Variants in RSRP1 observed in about 807,000 individuals in gnomAD.
The protein encoded by RSRP1 is arginine/serine-rich protein 1.
A neutral mutation model predicts 33.0 loss-of-function variants in RSRP1; 37 were observed. That is an observed-to-expected ratio of 1.12 (90% confidence interval 0.86 to 1.48). RSRP1 has a LOEUF of 1.48. Among genes scored for constraint, RSRP1 ranks in the 40% most tolerant of loss-of-function variants. RSRP1 has a pLI of 0.00. For synonymous variants in RSRP1, 167 were observed against 158.7 expected (o/e 1.05, Z -0.40); for missense variants, 402 against 385.3 (o/e 1.04, Z -0.36).
upstream of RSRP1, chr1:25,248,258 T>C (rs1639634055): frequency 6.6e-6 from 1 of 152,212 alleles, no homozygotes; most frequent in Non-Finnish European, 1.5e-5. Flanking sequence ...AAGGTGACTA[T>C]TTTACTTCTA....
In RSRP1 at chr1:25,271,612, T is replaced by C. The variant is rs1029954298; in HGVS notation, c.-66-24583A>G. Among the ~76,000 whole-genome samples the C allele has an allele frequency of 4.7e-4, 63 of 132,716 alleles. 11 individuals carry two copies. The highest frequency in any genetic ancestry group is 1.6e-3 in the African/African-American group (62 of 38,908). The allele number at this position is 132,716 out of a possible 152,430, so 87.1% of individuals were successfully genotyped here. ...TTCCTTCCTTCCTCGACACTTACCATGTACCAGACCTTCTGCCAGGCACAT... is the reference window on the plus strand; with the variant it reads ...TTCCTTCCTTCCTCGACACTTACCACGTACCAGACCTTCTGCCAGGCACAT... On this transcript the variant is annotated intron_variant, in intron 1 of 1. Coordinates refer to the RSRP1 transcript ENST00000561867.
At chr1:25,306,487 T>G in intron 1 of RSRP1, 1 of 1,050,132 alleles carries the variant, frequency 9.5e-7, no homozygotes. Flanking sequence ...AGGTGAGCCT[T>G]AGTGCCCATC....
At position 25,246,828 on chromosome 1, in the gene RSRP1, G is replaced by A. The variant is rs772710223; in HGVS notation, c.136C>T (p.His46Tyr). The change falls in exon 2 of 5, where the codon CAT becomes TAT. Residue 46 changes from histidine to tyrosine, a missense_variant. By Grantham distance (83) the His-to-Tyr change is moderately conservative. Transcript: ENST00000243189. ...SRSFSRSSRS[H>Y]SRVSSRFSSR... ...GAAAACCGGCTCGAGACGCGGGAAT[G>A]GGACCGAGAGCTTCTGGAAAAAGAG... 1 of 1,613,308 alleles carries A rather than the reference G, an allele frequency of 6.2e-7. No homozygotes were observed. The highest frequency in any genetic ancestry group is 1.1e-5 in the South Asian group (1 of 91,082).
At chr1:25,274,656 C>T (rs1640783290) in intron 1 of RSRP1, among the ~76,000 whole-genome samples, 1 of 133,310 alleles carries the variant, frequency 7.5e-6, no homozygotes, top group South Asian at 2.3e-4. Flanking sequence ...ATGGCGTGCA[C>T]ACACAATAGA....
At chr1:25,248,194 T>C (rs1227163915), upstream of RSRP1, 2 of 152,108 alleles carry the variant, frequency 1.3e-5, no homozygotes, top group Non-Finnish European at 2.9e-5. Context: ...CTGGGGATAA[T>C]AATGAAGTCT....
chr1:25,301,493 T>C, intron 1 of RSRP1: 2 of 1,375,786 alleles, frequency 1.5e-6, no homozygotes, highest in East Asian at 2.2e-5. Flanking sequence ...AGTGTGATTC[T>C]GGCCAACCAC....
rs886526772 is a variant in RSRP1 at position 25,275,381 on chromosome 1, C to T, written c.-66-28352G>A. Among the ~76,000 whole-genome samples, 5 of 132,048 alleles carry T rather than the reference C, an allele frequency of 3.8e-5. 1 individual carries two copies. Among genetic ancestry groups the T allele is most frequent in the African/African-American group, 7.7e-5 (3 of 38,776 alleles). 86.6% of individuals were successfully genotyped at this position (132,048 alleles called of 152,430 possible). On this transcript the variant is annotated intron_variant, in intron 1 of 1. Coordinates refer to the RSRP1 transcript ENST00000561867. ...CGAAGTTTGGCTTCAGTCTGAGGTC[C>T]GAATAGTAAACAGCAGCGAGACAAG... is the stretch of plus-strand genomic sequence containing the variant.
In RSRP1 at chr1:25,296,240, T is replaced by C. The variant is rs1642945446; in HGVS notation, c.-67+41738A>G. On this transcript the variant is annotated intron_variant, in intron 1 of 1. Transcript: ENST00000561867. ...TAACCCCTAAATACTTCAGTGTACA[T>C]TTCTTTTTTTTTTTTTCTTTGAGAC... Among the ~76,000 whole-genome samples the C allele has an allele frequency of 1.6e-5, 2 of 125,752 alleles. 1 individual carries two copies. The highest frequency in any genetic ancestry group is 3.7e-5 in the Non-Finnish European group (2 of 53,738). 82.5% of individuals were successfully genotyped at this position (125,752 alleles called of 152,430 possible).
chr1:25,333,018 G>A lies in RSRP1; in HGVS notation c.-67+4960C>T, dbSNP rs144874674. Among the ~76,000 whole-genome samples the A allele has an allele frequency of 6.2e-3, 814 of 131,424 alleles. 115 individuals carry two copies. The highest frequency in any genetic ancestry group is 0.019 in the African/African-American group (746 of 38,362). 86.2% of individuals were successfully genotyped at this position (131,424 alleles called of 152,430 possible). ...AGCCCAAAGGCCTTAGAACCCCAGC[G>A]GTGACGGAAAGGCTGGTGTAGGTCC... is the stretch of plus-strand genomic sequence containing the variant. On this transcript the variant is annotated intron_variant, in intron 1 of 1. Coordinates refer to the RSRP1 transcript ENST00000561867.
At chr1:25,284,911 T>C (rs1309844466) in intron 1 of RSRP1, 3 of 1,047,908 alleles carry the variant, frequency 2.9e-6, no homozygotes, top group Non-Finnish European at 4.3e-6. Flanking sequence ...GATTATTCAT[T>C]GTTTAAAATT....
intron 2 of RSRP1, among the ~76,000 whole-genome samples, chr1:25,245,512 G>C (rs1639299452): frequency 1.3e-5 from 2 of 152,162 alleles, no homozygotes; most frequent in African/African-American, 2.4e-5. Flanking sequence ...ACTAAATGCA[G>C]ATAGAAAGTA....
intron 1 of RSRP1, chr1:25,266,726 G>C (rs1334270511): frequency 6.3e-6 from 1 of 158,228 alleles, no homozygotes; most frequent in Admixed American, 5.3e-5. Context: ...TGACTGAAGT[G>C]AAAGGGGGTT....
In RSRP1 at chr1:25,310,877, G is replaced by T. The variant is rs1397432245; in HGVS notation, c.-67+27101C>A. ...AATCTCAGCTACTCAGGAGGCTGAA[G>T]CAGGAGAATCACTTGAACCCAGGAG... On this transcript the variant is annotated intron_variant, in intron 1 of 1. Transcript: ENST00000561867. Among the ~76,000 whole-genome samples, 5 of 130,730 alleles carry T rather than the reference G, an allele frequency of 3.8e-5. 1 individual carries two copies. The highest frequency in any genetic ancestry group is 5.4e-5 in the Non-Finnish European group (3 of 55,258). The allele number at this position is 130,730 out of a possible 152,430, so 85.8% of individuals were successfully genotyped here. A position where few individuals can be genotyped will look rare whatever the true frequency, so the allele number is the denominator to read the frequency against.
chr1:25,276,523 C>CG lies in RSRP1; in HGVS notation c.-66-29495_-66-29494insC, dbSNP rs1404504940. ...GCCTAGGAAACATAGGGAGACCCCC[C>CG]CCCATCTCTAAAAAAAAAAAAAAAA... On this transcript the variant is annotated intron_variant, in intron 1 of 1. Coordinates refer to the RSRP1 transcript ENST00000561867. 1.3e-3 allele frequency among the ~76,000 whole-genome samples: 77 copies of CG among 59,978 alleles called. 4 individuals carry two copies. Among genetic ancestry groups the CG allele is most frequent in the African/African-American group, 5.2e-3 (72 of 13,920 alleles). 39.3% of individuals were successfully genotyped at this position (59,978 alleles called of 152,430 possible).
rs571304918 is a variant in RSRP1 at position 25,246,270 on chromosome 1, C to A, written c.520+174G>T. Among the ~76,000 whole-genome samples, 5 of 152,308 alleles carry A rather than the reference C, an allele frequency of 3.3e-5. No individual in the cohort carries two copies. In the South Asian group the frequency reaches 1.0e-3, roughly 32 times the overall value. On this transcript the variant is annotated intron_variant, in intron 2 of 4. Transcript: ENST00000243189. ...TTTAACATCCAGTTGACCTTTAACCCTAAAGAGAATGCTGTCCACTTAAAT... is the reference window on the plus strand; with the variant it reads ...TTTAACATCCAGTTGACCTTTAACCATAAAGAGAATGCTGTCCACTTAAAT...
At chr1:25,313,775 T>A (rs149991160) in intron 1 of RSRP1, among the ~76,000 whole-genome samples, 1,720 of 132,092 alleles carry the variant, frequency 0.013, 244 homozygotes, top group African/African-American at 0.041. Flanking sequence ...AAAACACATA[T>A]GTTAGAATTT....
upstream of RSRP1, chr1:25,338,214 C>A (rs1645118026): frequency 6.6e-6 from 1 of 152,180 alleles, no homozygotes; most frequent in South Asian, 2.1e-4. Flanking sequence ...GGCGGAAAGC[C>A]CCTGAACCCA....
rs868615802 is a variant in RSRP1, at chr1:25,290,554, A to T, written c.-66-43525T>A. On this transcript the variant is annotated intron_variant, in intron 1 of 1. Coordinates refer to the RSRP1 transcript ENST00000561867. ...TAGGTGCCCAACAGTGTTTGTTGAA[A>T]GAATGAATGAATGAATGAATGAATG... 8.2e-6 allele frequency: 9 copies of T among 1,099,822 alleles called. 1 individual carries two copies. The highest frequency in any genetic ancestry group is 3.8e-5 in the South Asian group (3 of 78,588). The allele number at this position is 1,099,822 out of a possible 1,614,324, so 68.1% of individuals were successfully genotyped here. A position where few individuals can be genotyped will look rare whatever the true frequency, so the allele number is the denominator to read the frequency against.
intron 3 of RSRP1, chr1:25,244,863 T>G: frequency 9.0e-7 from 1 of 1,112,024 alleles, no homozygotes; most frequent in East Asian, 4.6e-5. Context: ...TTTGTATTTT[T>G]TGTAAACACG....
Sources: allele counts gnomAD v4.1 joint callset (sites outside exome capture counted in the v4.1 genomes callset), GRCh38; gene constraint gnomAD v4.1.1; transcripts MANE v1.5; gene names NCBI Gene and HGNC (gene_info 2026-07-23, HGNC 2026-07-21).